The following AP1G2 variants were observed in gnomAD, a reference collection of about 807,000 sequenced individuals.
The protein encoded by AP1G2 is adaptor related protein complex 1 subunit gamma 2, also known as AP-1 complex subunit gamma-like 2.
In AP1G2, 85 loss-of-function variants were observed where a neutral mutation model predicts 95.8. The ratio of observed to expected loss-of-function variants is 0.89; its 90% CI spans 0.74 to 1.06. The LOEUF is 1.06. Ranked by LOEUF, AP1G2 falls within the 50% of genes least tolerant of loss-of-function variation. The probability of loss-of-function intolerance (pLI) is 0.00; values close to 1 mark genes in which losing one functional copy is unlikely to be tolerated. For synonymous variants in AP1G2, 378 were observed against 400.0 expected (o/e 0.94, Z 0.66); for missense variants, 967 against 1,005.8 (o/e 0.96, Z 0.52).
At chr14:23,564,712 CT>C (rs1336434821) in intron 8 of AP1G2, 52 bp from the exon 9 acceptor site, 16 of 1,544,676 alleles carry the variant, frequency 1.0e-5, no homozygotes, top group Non-Finnish European at 1.2e-5. Flanking sequence ...CTCAGGTCTC[CT>C]TTTTTTGATA....
chr14:23,563,036 G>T (rs987617582), intron 14 of AP1G2: 2 of 1,181,394 alleles, frequency 1.7e-6, no homozygotes, highest in African/African-American at 3.1e-5. Context: ...TGGAAAAGGG[G>T]GCTATAGATA....
In AP1G2 at chr14:23,564,553, G is replaced by T. The variant is rs1299973682; in HGVS notation, c.921+9C>A. ...GGGGCCGTAGTGGGAGAGGCATAAG[G>T]GGTGATACCCGTAGGCCAGCTGCAG... On this transcript the variant is annotated intron_variant, in intron 9 of 21. Coordinates refer to ENST00000397120, the MANE Select transcript of AP1G2 (RefSeq NM_003917.5). 1 of 1,612,896 alleles carries T rather than the reference G, an allele frequency of 6.2e-7. No homozygotes were observed. Among genetic ancestry groups the T allele is most frequent in the Admixed American group, 1.7e-5 (1 of 60,012 alleles).
chr14:23,565,248 A>G (rs1887245809), intron 7 of AP1G2, 49 bp from the exon 8 acceptor site: 1 of 1,580,390 alleles, frequency 6.3e-7, no homozygotes, highest in Non-Finnish European at 8.6e-7. Flanking sequence ...TAGGATAAGG[A>G]GTCGTGGGGC....
At chr14:23,566,721 G>A in intron 2 of AP1G2, 35 bp from the exon 3 acceptor site, 1 of 1,609,246 alleles carries the variant, frequency 6.2e-7, no homozygotes, top group Non-Finnish European at 8.5e-7. Context: ...AAGAGGCAGG[G>A]GTGAAACCAT....
rs1887749363 is a variant in AP1G2 at position 23,566,016 on chromosome 14, TTC to T, written c.568+46_568+47del. ...GGGGTTCCCATCCGATTTTCAATTC[TTC>T]TGTCCATAGACCTGAAGCAAAGGAT... is the stretch of plus-strand genomic sequence containing the variant. On this transcript the variant is annotated intron_variant, in intron 5 of 21. Coordinates refer to ENST00000397120, the MANE Select transcript of AP1G2 (RefSeq NM_003917.5). 1.9e-6 allele frequency: 3 copies of T among 1,613,968 alleles called. No homozygotes were observed. The East Asian group carries it at 6.7e-5, about 36-fold the overall frequency.
At chr14:23,564,899 C>T in intron 8 of AP1G2, 1 of 633,024 alleles carries the variant, frequency 1.6e-6, no homozygotes, top group South Asian at 2.0e-5. Context: ...TTCAACCATC[C>T]AACAAAGTTC....
chr14:23,559,692 G>C lies in AP1G2; in HGVS notation c.*57C>G. On this transcript the variant is annotated 3_prime_UTR_variant, in exon 22 of 22. Transcript: ENST00000397120. ...AGCCCTCAGGTGTAGGTTCGAAGCTGCTGGGGCCCCCTGGGGTTTGGGACA... is the reference window on the plus strand; with the variant it reads ...AGCCCTCAGGTGTAGGTTCGAAGCTCCTGGGGCCCCCTGGGGTTTGGGACA... 4 of 1,559,800 alleles carry C rather than the reference G, an allele frequency of 2.6e-6. No individual in the cohort carries two copies. The highest frequency in any genetic ancestry group is 3.5e-6 in the Non-Finnish European group (4 of 1,137,044).
Position 23,567,467 on chromosome 14 carries a change from C to G in AP1G2, c.-5-148G>C. On this transcript the variant is annotated intron_variant, in intron 1 of 21. Transcript: ENST00000397120. This position sits in a 1 kb window ranked among gnomAD's most constrained non-coding sequence, Gnocchi z 5.3. ...GCATTTTACCTTTCCCGAAGTGGGTCTCCAAATTCCGCGCCCACCCCACCG... is the reference window on the plus strand; with the variant it reads ...GCATTTTACCTTTCCCGAAGTGGGTGTCCAAATTCCGCGCCCACCCCACCG... 1 of 1,399,052 alleles carries G rather than the reference C, an allele frequency of 7.1e-7. No individual in the cohort carries two copies. Among genetic ancestry groups the G allele is most frequent in the Non-Finnish European group, 9.2e-7 (1 of 1,084,384 alleles). The allele number at this position is 1,399,052 out of a possible 1,614,324, so 86.7% of individuals were successfully genotyped here.
Position 23,562,076 on chromosome 14 carries a change from T to C in AP1G2, c.1629-10A>G, listed in dbSNP as rs1253983565. On this transcript the variant is annotated splice_polypyrimidine_tract_variant and intron_variant, in intron 16 of 21. Transcript: ENST00000397120. ...CACCTGGCGGATGCGGCTGGGCCAG[T>C]GTAGTATGTAAGTGGCTATGGCAGT... The C allele has an allele frequency of 2.5e-6, 4 of 1,611,648 alleles. No homozygotes were observed. Among genetic ancestry groups the C allele is most frequent in the Non-Finnish European group, 2.5e-6 (3 of 1,179,106 alleles).
chr14:23,566,510 GTCCCT>G, intron 3 of AP1G2, 47 bp downstream of exon 3: 1 of 1,609,974 alleles, frequency 6.2e-7, no homozygotes, highest in South Asian at 1.1e-5. Context: ...GATTTCCAAG[GTCCCT>G]ACTCTCCCAT....
intron 14 of AP1G2, 26 bp from the exon 15 acceptor site, chr14:23,562,619 C>T (rs1251438535): frequency 2.5e-6 from 4 of 1,605,440 alleles, no homozygotes; most frequent in Middle Eastern, 1.7e-4. Flanking sequence ...AACTGCTGGG[C>T]TGGCCAGGCA....
rs1438087043 is a variant in AP1G2, at chr14:23,560,524, G to A, written c.1994-106C>T. Reference sequence around the variant, plus strand: ...AACACCTACTGGCCCTGCACTACTCGAAAGGCTAGTAACAAAGTAGACATG... The same window carrying A: ...AACACCTACTGGCCCTGCACTACTCAAAAGGCTAGTAACAAAGTAGACATG... On this transcript the variant is annotated intron_variant, in intron 19 of 21. Coordinates refer to ENST00000397120, the MANE Select transcript of AP1G2 (RefSeq NM_003917.5). 13 of 1,173,766 alleles carry A rather than the reference G, an allele frequency of 1.1e-5. No homozygotes were observed. The Admixed American group carries it at 2.3e-4, about 21-fold the overall frequency. The allele number at this position is 1,173,766 out of a possible 1,614,324, so 72.7% of individuals were successfully genotyped here.
chr14:23,563,501 G>GC lies in AP1G2; in HGVS notation c.1288dup (p.Ala430GlyfsTer8), dbSNP rs1406003580. On this transcript the variant is annotated frameshift_variant and splice_region_variant, in exon 14 of 22. Coordinates refer to ENST00000397120, the MANE Select transcript of AP1G2 (RefSeq NM_003917.5). LOFTEE classifies it high-confidence loss of function. ...TGCATCATCCCGCACATGGGTGCCCGCCTGGAAGGTGTGGGCATGGCCAAG... is the reference window on the plus strand; with the variant it reads ...TGCATCATCCCGCACATGGGTGCCCGCCCTGGAAGGTGTGGGCATGGCCAAG... 6 of 1,614,056 alleles carry GC rather than the reference G, an allele frequency of 3.7e-6. No individual in the cohort carries two copies. Among genetic ancestry groups the GC allele is most frequent in the Non-Finnish European group, 5.1e-6 (6 of 1,180,002 alleles).
intron 17 of AP1G2, 41 bp downstream of exon 17, chr14:23,561,921 A>G (rs369638005): frequency 1.3e-6 from 2 of 1,567,156 alleles, no homozygotes; most frequent in Non-Finnish European, 1.7e-6. Flanking sequence ...GGGAGAGGGC[A>G]GGGGTTTGGG....
chr14:23,563,879 A>G (rs1446832337), intron 11 of AP1G2, 23 bp from the exon 12 acceptor site: 1 of 1,611,162 alleles, frequency 6.2e-7, no homozygotes, highest in South Asian at 1.1e-5. Flanking sequence ...AGAGGTTTCC[A>G]TGCAGGTAGC....
intron 8 of AP1G2, 89 bp downstream of exon 8, chr14:23,565,030 C>T: frequency 8.1e-7 from 1 of 1,237,472 alleles, no homozygotes; most frequent in Non-Finnish European, 1.2e-6. Context: ...ATTACACGGC[C>T]ACTGCACAGT....
In AP1G2 at chr14:23,564,170, T is replaced by A. The variant is rs752499406; in HGVS notation, c.978-11A>T. 5 of 1,613,208 alleles carry A rather than the reference T, an allele frequency of 3.1e-6. No homozygotes were observed. Among genetic ancestry groups the A allele is most frequent in the Non-Finnish European group, 4.2e-6 (5 of 1,179,654 alleles). Reference sequence around the variant, plus strand: ...GTCAGGGCTACATACCTGGTCAGGATGGGGGAGGTTCTATCATACCATGGC... The same window carrying A: ...GTCAGGGCTACATACCTGGTCAGGAAGGGGGAGGTTCTATCATACCATGGC... On this transcript the variant is annotated splice_polypyrimidine_tract_variant and intron_variant, in intron 10 of 21. Transcript: ENST00000397120.
At position 23,567,107 on chromosome 14, in the gene AP1G2, G is replaced by A. The variant is rs749831963; in HGVS notation, c.204+4C>T. 6.2e-7 allele frequency: 1 copy of A among 1,608,920 alleles called. No homozygotes were observed. The highest frequency in any genetic ancestry group is 8.5e-7 in the Non-Finnish European group (1 of 1,177,582). On this transcript the variant is annotated splice_donor_region_variant and intron_variant, in intron 2 of 21. Transcript: ENST00000397120. This position sits in a 1 kb window ranked among gnomAD's most constrained non-coding sequence, Gnocchi z 5.3. Reference sequence around the variant, plus strand: ...CTCAGGAGGGAGGTATTCCTGGCCAGTACCTGTCCAAAGTGGGCGGGGTAG... The same window carrying A: ...CTCAGGAGGGAGGTATTCCTGGCCAATACCTGTCCAAAGTGGGCGGGGTAG...
Position 23,563,674 on chromosome 14 carries a change from C to T in AP1G2, c.1233-36G>A, listed in dbSNP as rs527534921. The T allele has an allele frequency of 5.6e-5, 91 of 1,614,148 alleles. No individual in the cohort carries two copies. The East Asian group carries it at 1.6e-3, about 28-fold the overall frequency. ...TATGGCTCATCAGTCCTGGTACTGA[C>T]GCTCCCCAGATTCTACCCTCTTCGA... On this transcript the variant is annotated intron_variant, in intron 12 of 21. Coordinates refer to ENST00000397120, the MANE Select transcript of AP1G2 (RefSeq NM_003917.5).
Sources: allele counts gnomAD v4.1 joint callset, GRCh38; gene constraint gnomAD v4.1.1; non-coding constraint Gnocchi (gnomAD v3.1); transcripts MANE v1.5; gene names NCBI Gene and HGNC (gene_info 2026-07-23, HGNC 2026-07-21).